Variants in DYNC2H1 observed in about 807,000 individuals in gnomAD.
DYNC2H1 encodes the protein cytoplasmic dynein 2 heavy chain 1.
In DYNC2H1, 410 loss-of-function variants were observed where a neutral mutation model predicts 570.0. The observed-to-expected ratio is 0.72, with a 90% confidence interval of 0.66 to 0.78. The LOEUF (loss-of-function observed/expected upper bound fraction) is 0.78, where lower values mean the gene tolerates loss of function less well. Ranked by LOEUF, DYNC2H1 falls within the 30% of genes least tolerant of loss-of-function variation. The pLI, the probability that DYNC2H1 is intolerant of heterozygous loss-of-function variation, is 0.00. For synonymous variants in DYNC2H1, 1,688 were observed against 1,677.6 expected (o/e 1.01, Z -0.15); for missense variants, 4,865 against 5,046.4 (o/e 0.96, Z 1.09).
In DYNC2H1 at chr11:103,249,853, T is replaced by G. The variant is rs1162510595; in HGVS notation, c.10043-3432T>G. Among the ~76,000 whole-genome samples, 1 of 152,092 alleles carries G rather than the reference T, an allele frequency of 6.6e-6. No homozygotes were observed. The highest frequency in any genetic ancestry group is 1.5e-5 in the Non-Finnish European group (1 of 67,990). Reference sequence around the variant, plus strand: ...ATAGTTTAGTCCCACTCCATTTCTCTTACATATACATAAAAATTAAGATAC... The same window carrying G: ...ATAGTTTAGTCCCACTCCATTTCTCGTACATATACATAAAAATTAAGATAC... On this transcript the variant is annotated intron_variant, in intron 65 of 88. Transcript: ENST00000375735. The surrounding 1 kb of genome is among the most constrained non-coding windows in gnomAD (Gnocchi z 4.6).
rs908978711 is a variant in DYNC2H1 at position 103,446,586 on chromosome 11, T to C, written c.12457-8600T>C. ...AAGTTGAGACAGCAAATATAGACAG[T>C]TTTTTCAGGGAGTTGTGTTATGAAG... On this transcript the variant is annotated intron_variant, in intron 85 of 88. Coordinates refer to ENST00000375735, the MANE Select transcript of DYNC2H1 (RefSeq NM_001377.3). This position sits in a 1 kb window ranked among gnomAD's most constrained non-coding sequence, Gnocchi z 4.5. 2.0e-5 allele frequency among the ~76,000 whole-genome samples: 3 copies of C among 152,040 alleles called. No homozygotes were observed. The highest frequency in any genetic ancestry group is 7.2e-5 in the African/African-American group (3 of 41,386).
intron 82 of DYNC2H1, among the ~76,000 whole-genome samples, chr11:103,345,318 A>G (rs1269282514): frequency 6.6e-6 from 1 of 152,078 alleles, no homozygotes; most frequent in African/African-American, 2.4e-5. Flanking sequence ...GCCACTAGGA[A>G]CGTTTGTGGC....
At chr11:103,155,856 T>C (rs1353793922) in intron 25 of DYNC2H1, among the ~76,000 whole-genome samples, 1 of 152,166 alleles carries the variant, frequency 6.6e-6, no homozygotes, top group Non-Finnish European at 1.5e-5. Context: ...ATCAAATTGT[T>C]TTATTTCCTA....
intron 29 of DYNC2H1, 93 bp from the exon 30 acceptor site, chr11:103,162,931 AGAGT>A (rs1273077987): frequency 2.8e-5 from 30 of 1,084,974 alleles, no homozygotes; most frequent in Admixed American, 7.3e-5. Flanking sequence ...ATAACAGTAT[AGAGT>A]TAGTAGATTG....
In DYNC2H1 at chr11:103,239,698, T is replaced by G. The variant is rs58232935; in HGVS notation, c.9819+3159T>G. On this transcript the variant is annotated intron_variant, in intron 63 of 88. Coordinates refer to ENST00000375735, the MANE Select transcript of DYNC2H1 (RefSeq NM_001377.3). The surrounding 1 kb of genome is among the most constrained non-coding windows in gnomAD (Gnocchi z 4.3). Reference sequence around the variant, plus strand: ...GTGTGTAACCTTATTTATTTTATATTCTTGTTAATGTAACTCTCCTTAGTG... The same window carrying G: ...GTGTGTAACCTTATTTATTTTATATGCTTGTTAATGTAACTCTCCTTAGTG... Among the ~76,000 whole-genome samples, 806 of 152,012 alleles carry G rather than the reference T, an allele frequency of 5.3e-3. 3 individuals are homozygous for G. The highest frequency in any genetic ancestry group is 0.019 in the African/African-American group (767 of 41,446).
Position 103,122,873 on chromosome 11 carries a change from G to A in DYNC2H1, c.1534G>A (p.Gly512Arg), listed in dbSNP as rs1316666563. 6.2e-7 allele frequency: 1 copy of A among 1,613,200 alleles called. No homozygotes were observed. Among genetic ancestry groups the A allele is most frequent in the Non-Finnish European group, 8.5e-7 (1 of 1,179,548 alleles). ...AGAGGCTCTTTTATCTGACTTGCCAGGATTTCGATGTTTCCATCAAAGTGC... is the reference window on the plus strand; with the variant it reads ...AGAGGCTCTTTTATCTGACTTGCCAAGATTTCGATGTTTCCATCAAAGTGC... ...IAEALLSDLP[G>R]FRCFHQSAKD... The change falls in exon 11 of 89, where the codon GGA becomes AGA. Residue 512 changes from glycine to arginine, a missense_variant. Gly to Arg is a moderately radical substitution (Grantham distance 125). This residue lies in a region of DYNC2H1 where 1,936 missense variants were observed against 1,962.1 expected (regional missense o/e 0.99). Coordinates refer to ENST00000375735, the MANE Select transcript of DYNC2H1 (RefSeq NM_001377.3).
At position 103,115,221 on chromosome 11, in the gene DYNC2H1, G is replaced by T; in HGVS notation, c.547G>T (p.Ala183Ser). The change falls in exon 4 of 89, where the codon GCT (alanine) becomes TCT (serine). Residue 183 changes from alanine to serine, a missense_variant. Physicochemically the swap from Ala to Ser is moderately conservative, Grantham distance 99. Coordinates refer to ENST00000375735, the MANE Select transcript of DYNC2H1 (RefSeq NM_001377.3). ...TGAGTTCCAGTTTTGGATAGAACAA[G>T]CTCACCGTGGAAATAAACAGATTAG... ...SDEFQFWIEQ[A>S]HRGNKQISKE... is the part of the protein sequence containing the mutation. 1 of 1,610,746 alleles carries T rather than the reference G, an allele frequency of 6.2e-7. No individual in the cohort carries two copies. The highest frequency in any genetic ancestry group is 8.5e-7 in the Non-Finnish European group (1 of 1,178,492).
chr11:103,427,919 T>C (rs900814810), intron 84 of DYNC2H1, among the ~76,000 whole-genome samples: 1 of 151,164 alleles, frequency 6.6e-6, no homozygotes, highest in African/African-American at 2.4e-5. Flanking sequence ...CATTCTCCAC[T>C]GTACTAGAGT....
intron 85 of DYNC2H1, among the ~76,000 whole-genome samples, chr11:103,442,088 A>G (rs1944291663): frequency 1.3e-5 from 2 of 152,154 alleles, no homozygotes; most frequent in South Asian, 4.1e-4. Context: ...ATTTTTGTAT[A>G]TTATACCCAG....
chr11:103,267,888 C>T (rs1381092710), intron 70 of DYNC2H1, among the ~76,000 whole-genome samples: 1 of 151,762 alleles, frequency 6.6e-6, no homozygotes, highest in Non-Finnish European at 1.5e-5. Context: ...TGTAGTAAGG[C>T]CTGAAGATCT....
chr11:103,438,761 A>G (rs1346433153), intron 85 of DYNC2H1, among the ~76,000 whole-genome samples: 1 of 152,174 alleles, frequency 6.6e-6, no homozygotes, highest in African/African-American at 2.4e-5. Flanking sequence ...CCCTGTGTGA[A>G]GTACTGGAGA....
At chr11:103,435,913 A>C (rs745873572) in intron 84 of DYNC2H1, 30 bp from the exon 85 acceptor site, 52 of 1,605,718 alleles carry the variant, frequency 3.2e-5, no homozygotes, top group Non-Finnish European at 4.2e-5. Context: ...CATATACACA[A>C]ACTTAATTTT....
At chr11:103,424,479 G>A (rs894381004) in intron 84 of DYNC2H1, among the ~76,000 whole-genome samples, 8 of 151,958 alleles carry the variant, frequency 5.3e-5, no homozygotes, top group Non-Finnish European at 1.2e-4. Context: ...CAAGAGAAAC[G>A]AAAGCATATG....
chr11:103,247,233 T>C (rs1327400356), intron 65 of DYNC2H1, among the ~76,000 whole-genome samples: 1 of 152,050 alleles, frequency 6.6e-6, no homozygotes, highest in African/African-American at 2.4e-5. Context: ...TTTATTTCCA[T>C]GTTGAGTTTG....
At chr11:103,352,804 A>G (rs188376166) in intron 82 of DYNC2H1, among the ~76,000 whole-genome samples, 2 of 152,326 alleles carry the variant, frequency 1.3e-5, no homozygotes, top group Non-Finnish European at 2.9e-5. Flanking sequence ...CTGGGTATAT[A>G]CCCAAAGGAT....
intron 9 of DYNC2H1, 129 bp from the exon 10 acceptor site, chr11:103,121,243 T>A: frequency 8.7e-7 from 1 of 1,146,314 alleles, no homozygotes; most frequent in Non-Finnish European, 1.2e-6. Context: ...CATGGTACAG[T>A]CCTTGGGGAT....
intron 69 of DYNC2H1, 109 bp downstream of exon 69, chr11:103,257,860 G>A (rs539125166): frequency 1.2e-4 from 135 of 1,167,806 alleles, no homozygotes; most frequent in Non-Finnish European, 1.4e-4. Flanking sequence ...ATAGAATTAT[G>A]TTCCAAAAGA....
chr11:103,122,274 A>G (rs1236550264), intron 10 of DYNC2H1, among the ~76,000 whole-genome samples: 1 of 152,092 alleles, frequency 6.6e-6, no homozygotes, highest in Non-Finnish European at 1.5e-5. Context: ...CATGTTCGAC[A>G]TTTCTGCTTA....
chr11:103,139,442 T>G (rs1310109818), intron 17 of DYNC2H1, among the ~76,000 whole-genome samples: 12 of 152,136 alleles, frequency 7.9e-5, no homozygotes, highest in African/African-American at 2.9e-4. Flanking sequence ...TCAAAGAACA[T>G]CTTTATTTCT....
Sources: gnomAD v4.1 joint callset for allele counts (sites outside exome capture counted in the v4.1 genomes callset) on GRCh38, gnomAD v4.1.1 for gene constraint, gnomAD v4.1.1 regional missense constraint, Gnocchi (gnomAD v3.1) non-coding constraint, MANE v1.5 for transcripts, NCBI Gene and HGNC (gene_info 2026-07-23, HGNC 2026-07-21) for gene names.